PAMR1: variants seen among roughly 807,000 people sequenced by gnomAD.
The protein encoded by PAMR1 is inactive serine protease PAMR1.
In PAMR1, 88 loss-of-function variants were observed where a neutral mutation model predicts 81.8. That is an observed-to-expected ratio of 1.08 (90% CI 0.91 to 1.28). The LOEUF (loss-of-function observed/expected upper bound fraction) is 1.28. Among genes scored for constraint, PAMR1 ranks in the 50% most tolerant of loss-of-function variants. The pLI is 0.00. For missense variants in PAMR1, 935 were observed against 919.7 expected, an observed-to-expected ratio of 1.02 and a Z score of -0.21; for synonymous variants, 336 against 345.3, an observed-to-expected ratio of 0.97 and a Z score of 0.30.
chr11:35,522,212 G>A (rs1166860276), intron 1 of PAMR1, among the ~76,000 whole-genome samples: 2 of 152,198 alleles, frequency 1.3e-5, no homozygotes, highest in African/African-American at 4.8e-5. Flanking sequence ...ATGAGCCACT[G>A]CGCCTGCCTC....
intron 6 of PAMR1, among the ~76,000 whole-genome samples, chr11:35,443,543 T>C (rs1856225600): frequency 6.6e-6 from 1 of 152,212 alleles, no homozygotes; most frequent in Non-Finnish European, 1.5e-5. Flanking sequence ...ATGATTTTGT[T>C]CCTTTTTATG....
At chr11:35,436,314 C>G (rs1305973572) in intron 8 of PAMR1, 179 bp from the exon 9 acceptor site, 1 of 583,920 alleles carries the variant, frequency 1.7e-6, no homozygotes, top group Non-Finnish European at 3.1e-6. Context: ...GGGTCTCCCT[C>G]TGTCCCTCAC....
chr11:35,470,046 A>T (rs967165374), intron 5 of PAMR1, among the ~76,000 whole-genome samples: 8 of 152,198 alleles, frequency 5.3e-5, no homozygotes, highest in African/African-American at 1.7e-4. Context: ...AGTGGAGGGT[A>T]AATGTATGCC....
At chr11:35,464,108 A>T (rs1191948052) in intron 6 of PAMR1, among the ~76,000 whole-genome samples, 2 of 152,222 alleles carry the variant, frequency 1.3e-5, no homozygotes, top group East Asian at 3.8e-4. Flanking sequence ...TGAACAGTTC[A>T]GCATCTAAGA....
intron 6 of PAMR1, among the ~76,000 whole-genome samples, chr11:35,442,203 A>G (rs1304278869): frequency 6.6e-6 from 1 of 152,256 alleles, no homozygotes; most frequent in East Asian, 1.9e-4. Context: ...AATCTCTAGG[A>G]AAATAAGTGT....
At chr11:35,493,801 C>T (rs927269087) in intron 2 of PAMR1, among the ~76,000 whole-genome samples, 7 of 152,324 alleles carry the variant, frequency 4.6e-5, no homozygotes, top group African/African-American at 1.7e-4. Context: ...GGAAGTGTGT[C>T]TTTTGTTTTA....
In PAMR1 at chr11:35,506,116, T is replaced by TAA. The variant is rs200736970; in HGVS notation, c.74-11846_74-11845dup. Reference sequence around the variant, plus strand: ...CAGATGACAACTTACCTTAGATCACTAAAAAAAAAAAACAGGAAGAAAGAA... The same window carrying TAA: ...CAGATGACAACTTACCTTAGATCACTAAAAAAAAAAAAAACAGGAAGAAAGAA... On this transcript the variant is annotated intron_variant, in intron 1 of 10. Transcript: ENST00000619888. Among the ~76,000 whole-genome samples the TAA allele has an allele frequency of 4.6e-4, 67 of 146,054 alleles. 1 individual carries two copies. The South Asian group carries it at 0.013, about 28-fold the overall frequency.
intron 3 of PAMR1, among the ~76,000 whole-genome samples, chr11:35,484,682 TA>T (rs770828374): frequency 5.9e-5 from 9 of 152,228 alleles, no homozygotes; most frequent in Non-Finnish European, 1.2e-4. Flanking sequence ...ATAAATGTAT[TA>T]AGGACCTATA....
intron 1 of PAMR1, among the ~76,000 whole-genome samples, chr11:35,508,516 A>AT (rs59836040): frequency 1.9e-3 from 186 of 98,038 alleles, no homozygotes; most frequent in Middle Eastern, 6.3e-3. Flanking sequence ...AGGAACCTCC[A>AT]TTTTTTTTTT....
intron 5 of PAMR1, among the ~76,000 whole-genome samples, chr11:35,469,587 G>A (rs765468073): frequency 3.3e-5 from 5 of 152,236 alleles, no homozygotes; most frequent in Non-Finnish European, 5.9e-5. Context: ...CAGGCACAGA[G>A]ACTGTAGAGA....
intron 6 of PAMR1, among the ~76,000 whole-genome samples, chr11:35,444,915 A>T (rs1027551518): frequency 2.6e-5 from 4 of 152,318 alleles, no homozygotes; most frequent in South Asian, 2.1e-4. Context: ...CATTGAATCT[A>T]TAAATTACTT....
chr11:35,477,257 A>G (rs1269513424), intron 3 of PAMR1, among the ~76,000 whole-genome samples: 3 of 152,224 alleles, frequency 2.0e-5, no homozygotes, highest in Admixed American at 6.5e-5. Context: ...TACCTGGCAT[A>G]TAACAGGTGC....
At chr11:35,481,836 T>C (rs1368886146) in intron 3 of PAMR1, among the ~76,000 whole-genome samples, 1 of 152,214 alleles carries the variant, frequency 6.6e-6, no homozygotes, top group Non-Finnish European at 1.5e-5. Context: ...ATGTCTTCTT[T>C]TGGGAAGTGT....
chr11:35,434,528 G>A lies in PAMR1; in HGVS notation c.1610C>T (p.Thr537Ile). The part of the protein sequence containing the change: ...FYRDDDRDEK[T>I]IQSLQISAII... ...CTCTCTTACCTGTAGGCTCTGGATG[G>A]TCTTCTCATCCCGGTCATCATCCCG... The change falls in exon 10 of 11, where the codon ACC (threonine) becomes ATC (isoleucine). Residue 537 changes from threonine to isoleucine, a missense_variant. By Grantham distance (89) the Thr-to-Ile change is moderately conservative. Transcript: ENST00000619888. 1.9e-6 allele frequency: 3 copies of A among 1,613,818 alleles called. No homozygotes were observed. The highest frequency in any genetic ancestry group is 1.7e-4 in the Middle Eastern group (1 of 6,058).
intron 3 of PAMR1, among the ~76,000 whole-genome samples, chr11:35,480,874 G>A (rs540561922): frequency 2.0e-5 from 3 of 152,102 alleles, no homozygotes; most frequent in South Asian, 2.1e-4. Flanking sequence ...GCCCTGACAC[G>A]CTCTGGTGTG....
chr11:35,521,878 A>G (rs769012304), intron 1 of PAMR1, among the ~76,000 whole-genome samples: 1 of 152,070 alleles, frequency 6.6e-6, no homozygotes, highest in Non-Finnish European at 1.5e-5. Context: ...AAATATATAC[A>G]TAACAAAAAA....
At chr11:35,512,774 C>T (rs534147741) in intron 1 of PAMR1, among the ~76,000 whole-genome samples, 86 of 152,308 alleles carry the variant, frequency 5.6e-4, no homozygotes, top group African/African-American at 2.0e-3. Flanking sequence ...TGGAGGATCT[C>T]TTGAGCCCAG....
rs370263601 is a variant in PAMR1, at chr11:35,494,749, C to G, written c.74-477G>C. Among the ~76,000 whole-genome samples the G allele has an allele frequency of 1.5e-3, 221 of 152,304 alleles. 5 individuals are homozygous for G. The South Asian group carries it at 0.044, about 30-fold the overall frequency. ...ATGTGAATTCTTCCCAGGCCAATGT[C>G]TCCAAAGTAGGGAGACCTACCCCAA... On this transcript the variant is annotated intron_variant, in intron 1 of 10. Transcript: ENST00000619888.
intron 3 of PAMR1, among the ~76,000 whole-genome samples, chr11:35,476,840 T>C (rs376116980): frequency 2.6e-5 from 4 of 151,974 alleles, no homozygotes. Context: ...CAGTCTCACA[T>C]ACCACTCATC....
Sources: allele counts gnomAD v4.1 joint callset (sites outside exome capture counted in the v4.1 genomes callset), GRCh38; gene constraint gnomAD v4.1.1; transcripts MANE v1.5; gene names NCBI Gene and HGNC (gene_info 2026-07-23, HGNC 2026-07-21).